NEK11: variants seen among roughly 807,000 people sequenced by gnomAD.
NEK11 encodes the protein NIMA related kinase 11, also known as serine/threonine-protein kinase Nek11.
A neutral mutation model predicts 80.7 loss-of-function variants in NEK11; 72 were observed. The observed-to-expected ratio is 0.89, with a 90% CI of 0.74 to 1.08. The LOEUF is 1.08. NEK11 is among the 50% of genes least tolerant of loss of function. The pLI, the probability that NEK11 is intolerant of heterozygous loss-of-function variation, is 0.00. For missense variants in NEK11, 764 were observed against 763.6 expected, an observed-to-expected ratio of 1.00 and a Z score of -0.01; for synonymous variants, 251 against 260.7, an observed-to-expected ratio of 0.96 and a Z score of 0.36.
chr3:131,188,371 G>A (rs901299589), intron 14 of NEK11, among the ~76,000 whole-genome samples: 1 of 152,052 alleles, frequency 6.6e-6, no homozygotes, highest in Non-Finnish European at 1.5e-5. Context: ...GGCAAAAACC[G>A]CAATTACTTT....
chr3:131,064,252 A>G (rs2071461372), intron 3 of NEK11, among the ~76,000 whole-genome samples: 1 of 152,176 alleles, frequency 6.6e-6, no homozygotes, highest in South Asian at 2.1e-4. Flanking sequence ...ATGAAATGCC[A>G]CAGACTAGGT....
chr3:131,304,817 G>A (rs968112242), intron 17 of NEK11, among the ~76,000 whole-genome samples: 7 of 152,226 alleles, frequency 4.6e-5, no homozygotes, highest in Admixed American at 3.3e-4. Flanking sequence ...AGTTCTGTTG[G>A]GGCAATGGCA....
chr3:131,318,637 A>G (rs1355644443), intron 17 of NEK11, among the ~76,000 whole-genome samples: 12 of 152,004 alleles, frequency 7.9e-5, no homozygotes, highest in Non-Finnish European at 1.8e-4. Flanking sequence ...TTGTGTGGTG[A>G]GCTCTCTAGA....
chr3:131,275,801 T>C (rs1199683834), intron 17 of NEK11, among the ~76,000 whole-genome samples: 1 of 152,236 alleles, frequency 6.6e-6, no homozygotes, highest in Non-Finnish European at 1.5e-5. Flanking sequence ...ATGGCAACTA[T>C]TGGGATGCCA....
At chr3:131,342,448 G>C (rs889012471) in intron 17 of NEK11, among the ~76,000 whole-genome samples, 1 of 151,892 alleles carries the variant, frequency 6.6e-6, no homozygotes, top group Non-Finnish European at 1.5e-5. Flanking sequence ...CTTAAACTAT[G>C]CCTGTGTTCT....
intron 17 of NEK11, among the ~76,000 whole-genome samples, chr3:131,305,043 A>G (rs2096708414): frequency 6.6e-6 from 1 of 150,646 alleles, no homozygotes; most frequent in African/African-American, 2.4e-5. Context: ...CAGGGGAGGG[A>G]TTTCCAACAT....
intron 17 of NEK11, among the ~76,000 whole-genome samples, chr3:131,335,397 G>T (rs1163834097): frequency 6.6e-6 from 1 of 152,238 alleles, no homozygotes; most frequent in African/African-American, 2.4e-5. Flanking sequence ...ATGCAGAAAA[G>T]GCCTTTGACA....
intron 3 of NEK11, among the ~76,000 whole-genome samples, chr3:131,038,607 C>G (rs770949511): frequency 1.3e-5 from 2 of 151,974 alleles, no homozygotes; most frequent in Non-Finnish European, 2.9e-5. Flanking sequence ...GACTGAATTG[C>G]CAAGAAACAT....
intron 4 of NEK11, 28 bp from the exon 5 acceptor site, chr3:131,109,775 A>T: frequency 2.6e-6 from 4 of 1,557,944 alleles, no homozygotes; most frequent in Non-Finnish European, 3.4e-6. Flanking sequence ...AGCTGAAAAA[A>T]TATGAAAGAT....
At chr3:131,281,198 C>T (rs145091119) in intron 17 of NEK11, among the ~76,000 whole-genome samples, 2 of 152,102 alleles carry the variant, frequency 1.3e-5, no homozygotes, top group Admixed American at 1.3e-4. Flanking sequence ...TTCCATGGGT[C>T]CAAAGTCAGA....
At chr3:131,194,435 T>C (rs1420255615) in intron 14 of NEK11, among the ~76,000 whole-genome samples, 1 of 152,136 alleles carries the variant, frequency 6.6e-6, no homozygotes, top group African/African-American at 2.4e-5. Flanking sequence ...GAGAGTTTTC[T>C]AGGTGTTTTC....
chr3:131,302,012 T>TA (rs1280766135), intron 17 of NEK11, among the ~76,000 whole-genome samples: 4 of 152,098 alleles, frequency 2.6e-5, no homozygotes, highest in South Asian at 2.1e-4. Flanking sequence ...GTAGGCTTTT[T>TA]ATCACTGATT....
intron 5 of NEK11, among the ~76,000 whole-genome samples, chr3:131,119,054 G>C (rs138131428): frequency 0.012 from 1,762 of 152,146 alleles, 40 homozygotes; most frequent in African/African-American, 0.04. Context: ...TCTTTTAATT[G>C]TGATGTTAGG....
At chr3:131,100,387 G>T (rs959953464) in intron 4 of NEK11, among the ~76,000 whole-genome samples, 1 of 152,046 alleles carries the variant, frequency 6.6e-6, no homozygotes, top group Admixed American at 6.6e-5. Flanking sequence ...ACGAGGTCAG[G>T]AGTTGCAGCT....
At chr3:131,047,325 G>A (rs1334158961) in intron 3 of NEK11, among the ~76,000 whole-genome samples, 5 of 152,200 alleles carry the variant, frequency 3.3e-5, no homozygotes, top group African/African-American at 4.8e-5. Flanking sequence ...GTGAGTTAGT[G>A]TGATCTTTTG....
intron 17 of NEK11, among the ~76,000 whole-genome samples, chr3:131,322,671 G>A (rs1033335044): frequency 2.6e-5 from 4 of 152,170 alleles, no homozygotes; most frequent in Admixed American, 1.3e-4. Context: ...GATTCTGCAT[G>A]TCTAAGCAGC....
chr3:131,041,541 T>C (rs1031773133), intron 3 of NEK11, among the ~76,000 whole-genome samples: 16 of 152,104 alleles, frequency 1.1e-4, no homozygotes, highest in Non-Finnish European at 2.1e-4. Context: ...CATACGTAAA[T>C]ATATACTCAC....
At chr3:131,221,229 G>T (rs1004985956) in intron 14 of NEK11, among the ~76,000 whole-genome samples, 3 of 152,132 alleles carry the variant, frequency 2.0e-5, no homozygotes, top group African/African-American at 7.2e-5. Context: ...CCCTCCTGGA[G>T]CTTACCATCT....
At chr3:131,240,451 A>G (rs2095502690) in intron 15 of NEK11, among the ~76,000 whole-genome samples, 1 of 152,000 alleles carries the variant, frequency 6.6e-6, no homozygotes, top group Non-Finnish European at 1.5e-5. Flanking sequence ...GAAAAGGATT[A>G]TTTTTCTCCA....
Sources: allele counts gnomAD v4.1 joint callset (sites outside exome capture counted in the v4.1 genomes callset), GRCh38; gene constraint gnomAD v4.1.1; transcripts MANE v1.5; gene names NCBI Gene and HGNC (gene_info 2026-07-23, HGNC 2026-07-21).